The following TMEM130 variants were observed in gnomAD, a reference collection of about 807,000 sequenced individuals.
TMEM130 encodes transmembrane protein 130.
A neutral mutation model predicts 42.9 loss-of-function variants in TMEM130; 37 were observed. The ratio of observed to expected loss-of-function variants is 0.86; its 90% CI spans 0.66 to 1.13. The LOEUF (loss-of-function observed/expected upper bound fraction) is 1.13, where lower values mean the gene tolerates loss of function less well. Among genes scored for constraint, TMEM130 ranks in the 50% most tolerant of loss-of-function variants. The probability of loss-of-function intolerance (pLI) is 0.00; values close to 1 mark genes in which losing one functional copy is unlikely to be tolerated. For missense variants in TMEM130, 545 were observed against 562.6 expected, an observed-to-expected ratio of 0.97 and a Z score of 0.32; for synonymous variants, 259 against 237.7, an observed-to-expected ratio of 1.09 and a Z score of -0.82.
Position 98,869,329 on chromosome 7 carries a change from T to C in TMEM130, c.85+448A>G. 1 of 1,260,754 alleles carries C rather than the reference T, an allele frequency of 7.9e-7. No individual in the cohort carries two copies. The highest frequency in any genetic ancestry group is 1.0e-6 in the Non-Finnish European group (1 of 977,246). The allele number at this position is 1,260,754 out of a possible 1,614,324, so 78.1% of individuals were successfully genotyped here. A position where few individuals can be genotyped will look rare whatever the true frequency, so the allele number is the denominator to read the frequency against. The stretch of plus-strand genomic sequence containing the variant: ...CAGCACCAACACGGTGGGAAACCCC[T>C]CTAGATGAGGCGACATTTTAAGGCA... On this transcript the variant is annotated intron_variant, in intron 1 of 7. Coordinates refer to ENST00000339375, the MANE Select transcript of TMEM130 (RefSeq NM_152913.3). The surrounding 1 kb of genome is among the most constrained non-coding windows in gnomAD (Gnocchi z 4.7).
chr7:98,862,400 GAGA>G (rs1344002176), intron 2 of TMEM130, among the ~76,000 whole-genome samples: 5 of 150,554 alleles, frequency 3.3e-5, no homozygotes, highest in Non-Finnish European at 7.4e-5. Flanking sequence ...ATAGAACAGA[GAGA>G]AGGACAGAGA....
Position 98,869,999 on chromosome 7 carries a change from C to T in TMEM130, c.-138G>A. 2.3e-6 allele frequency: 1 copy of T among 441,110 alleles called. No individual in the cohort carries two copies. Among genetic ancestry groups the T allele is most frequent in the Non-Finnish European group, 3.6e-6 (1 of 277,782 alleles). The allele number at this position is 441,110 out of a possible 1,614,324, so 27.3% of individuals were successfully genotyped here. A position where few individuals can be genotyped will look rare whatever the true frequency, so the allele number is the denominator to read the frequency against. ...TGCGGGCGCCGTGCTCGCTCGTCCT[C>T]GCCGGGGGACGCTCTGTCGCTGCGC... is the stretch of plus-strand genomic sequence containing the variant. On this transcript the variant is annotated 5_prime_UTR_variant, in exon 1 of 8. Transcript: ENST00000339375. The surrounding 1 kb of genome is among the most constrained non-coding windows in gnomAD (Gnocchi z 4.7).
intron 3 of TMEM130, among the ~76,000 whole-genome samples, chr7:98,858,038 G>A (rs1050701741): frequency 1.3e-5 from 2 of 151,668 alleles, no homozygotes; most frequent in South Asian, 2.1e-4. Context: ...TACTGCACCC[G>A]GCCAAAAACA....
intron 1 of TMEM130, among the ~76,000 whole-genome samples, chr7:98,867,652 T>G (rs1794938625): frequency 6.8e-6 from 1 of 147,848 alleles, no homozygotes. Context: ...GGAGGGGGGA[T>G]GGGGGGCAGG....
intron 2 of TMEM130, among the ~76,000 whole-genome samples, chr7:98,861,634 G>T (rs7805676): frequency 1.3e-5 from 2 of 152,044 alleles, no homozygotes; most frequent in Admixed American, 1.3e-4. Context: ...AGAATCGCTT[G>T]AACTGGGAGG....
chr7:98,852,501 TCTC>T (rs1554398438), intron 5 of TMEM130, among the ~76,000 whole-genome samples: 2 of 151,872 alleles, frequency 1.3e-5, no homozygotes, highest in East Asian at 1.9e-4. Flanking sequence ...CCTCAAGTAT[TCTC>T]CTGCCCCAGC....
chr7:98,847,942 A>T lies in TMEM130; in HGVS notation c.*114T>A, dbSNP rs1257458803. 9.7e-7 allele frequency: 1 copy of T among 1,029,162 alleles called. No individual in the cohort carries two copies. The highest frequency in any genetic ancestry group is 1.6e-5 in the African/African-American group (1 of 62,790). The allele number at this position is 1,029,162 out of a possible 1,614,324, so 63.8% of individuals were successfully genotyped here. On this transcript the variant is annotated 3_prime_UTR_variant, in exon 8 of 8. Transcript: ENST00000339375. ...AACTGTACAGATGGATGGATGATCC[A>T]GGCCAACAGCCCCACGCAAATGAAC...
chr7:98,862,492 T>C (rs1584243674), intron 2 of TMEM130, among the ~76,000 whole-genome samples: 1 of 17,386 alleles, frequency 5.8e-5, no homozygotes, highest in South Asian at 0.012. Context: ...AATTTCTTTT[T>C]TTTTTTTTTT....
intron 3 of TMEM130, among the ~76,000 whole-genome samples, chr7:98,857,051 A>G (rs529727967): frequency 7.2e-5 from 11 of 152,008 alleles, no homozygotes; most frequent in Admixed American, 1.3e-4. Context: ...CCTCCCGAGT[A>G]GCTGGGACTA....
chr7:98,852,621 G>A (rs1006921396), intron 5 of TMEM130, among the ~76,000 whole-genome samples: 56 of 151,816 alleles, frequency 3.7e-4, no homozygotes, highest in African/African-American at 1.2e-3. Flanking sequence ...TTTTGACAGA[G>A]TCTCACTCTG....
chr7:98,860,483 C>A, intron 2 of TMEM130, 145 bp from the exon 3 acceptor site: 6 of 806,484 alleles, frequency 7.4e-6, no homozygotes, highest in East Asian at 2.8e-5. Context: ...AGAGGGGACA[C>A]CCCCCTACAA....
At chr7:98,854,037 T>A (rs2116081529) in intron 5 of TMEM130, among the ~76,000 whole-genome samples, 1 of 103,182 alleles carries the variant, frequency 9.7e-6, no homozygotes, top group South Asian at 4.3e-4. Flanking sequence ...TTTTGGTTTT[T>A]TTTTGTTTTT....
At chr7:98,858,361 T>G (rs1158487063) in intron 3 of TMEM130, among the ~76,000 whole-genome samples, 1 of 43,020 alleles carries the variant, frequency 2.3e-5, no homozygotes, top group African/African-American at 6.2e-5. Context: ...GCCAACATAG[T>G]GAGACCCCAT....
intron 2 of TMEM130, among the ~76,000 whole-genome samples, chr7:98,862,470 C>A: frequency 6.8e-6 from 1 of 146,944 alleles, no homozygotes; most frequent in Admixed American, 6.9e-5. Context: ...TGACTGGCCC[C>A]AAGACTACAA....
At chr7:98,854,032 GTTTTTTTTTGT>G (rs1794571556) in intron 5 of TMEM130, among the ~76,000 whole-genome samples, 2 of 104,480 alleles carry the variant, frequency 1.9e-5, no homozygotes, top group South Asian at 4.2e-4. Flanking sequence ...TTGTTTTTTG[GTTTTTTTTTGT>G]TTTTTTTTTT....
chr7:98,851,245 G>A (rs773926871), intron 6 of TMEM130, among the ~76,000 whole-genome samples, 176 bp downstream of exon 6: 10 of 152,128 alleles, frequency 6.6e-5, no homozygotes, highest in East Asian at 1.9e-4. Flanking sequence ...GTTGGCCAGC[G>A]CTGATGTTGG....
chr7:98,853,717 C>T (rs1188706652), intron 5 of TMEM130, among the ~76,000 whole-genome samples: 8 of 152,250 alleles, frequency 5.3e-5, no homozygotes, highest in Non-Finnish European at 7.3e-5. Flanking sequence ...GGGGCATCCT[C>T]ATGGACAGAA....
rs1452154772 is a variant in TMEM130, at chr7:98,869,835, G to A, written c.27C>T (p.Leu9=). 6.2e-6 allele frequency: 9 copies of A among 1,446,502 alleles called. No individual in the cohort carries two copies. The highest frequency in any genetic ancestry group is 8.2e-6 in the Non-Finnish European group (9 of 1,101,200). The allele number at this position is 1,446,502 out of a possible 1,614,324, so 89.6% of individuals were successfully genotyped here. A position where few individuals can be genotyped will look rare whatever the true frequency, so the allele number is the denominator to read the frequency against. Reference sequence around the variant, plus strand: ...GGCAGGCAAGCCAGAGGATGCGGCCGAGGCGCGACCACACTGCCTGGGCCA... The same window carrying A: ...GGCAGGCAAGCCAGAGGATGCGGCCAAGGCGCGACCACACTGCCTGGGCCA... The part of the protein sequence containing the change: MAQAVWSR[L]GRILWLACLL... The change falls in exon 1 of 8, where the codon CTC becomes CTT. Residue 9 remains leucine (L), a synonymous_variant. Coordinates refer to ENST00000339375, the MANE Select transcript of TMEM130 (RefSeq NM_152913.3). The surrounding 1 kb of genome is among the most constrained non-coding windows in gnomAD (Gnocchi z 4.7).
chr7:98,850,264 T>C (rs1358359485), intron 6 of TMEM130, among the ~76,000 whole-genome samples: 4 of 51,266 alleles, frequency 7.8e-5, no homozygotes, highest in Admixed American at 4.7e-4. Flanking sequence ...TATATATATA[T>C]ATATATATAT....
Sources: gnomAD v4.1 joint callset for allele counts (sites outside exome capture counted in the v4.1 genomes callset) on GRCh38, gnomAD v4.1.1 for gene constraint, Gnocchi (gnomAD v3.1) non-coding constraint, MANE v1.5 for transcripts, NCBI Gene and HGNC (gene_info 2026-07-23, HGNC 2026-07-21) for gene names.